The following TRMT9B variants were observed in gnomAD, a reference collection of about 807,000 sequenced individuals.
TRMT9B encodes probable tRNA methyltransferase 9B.
A neutral mutation model predicts 11.5 loss-of-function variants in TRMT9B; 16 were observed. That is an observed-to-expected ratio of 1.39 (90% CI 0.94 to 2.11). The LOEUF is 2.11. Among genes scored for constraint, TRMT9B ranks in the 30% most tolerant of loss-of-function variants. The pLI is 0.00. For synonymous variants in TRMT9B, 274 were observed against 192.4 expected (o/e 1.42, Z -3.51); for missense variants, 941 against 553.8 (o/e 1.70, Z -7.02).
chr8:12,984,249 T>C (rs79039032), intron 1 of TRMT9B, among the ~76,000 whole-genome samples: 3,846 of 152,312 alleles, frequency 0.025, 168 homozygotes, highest in African/African-American at 0.088. Context: ...ATTCTGTCTA[T>C]GCAAATCTTC....
At chr8:12,960,213 G>T (rs979859094) in intron 1 of TRMT9B, 5 of 152,202 alleles carry the variant, frequency 3.3e-5, no homozygotes, top group African/African-American at 1.2e-4. Context: ...GCACTCTAAG[G>T]AGTCAACAGA....
chr8:12,966,426 AG>A (rs2128865954), intron 1 of TRMT9B, among the ~76,000 whole-genome samples: 1 of 152,302 alleles, frequency 6.6e-6, no homozygotes, highest in South Asian at 2.1e-4. Context: ...TTATCAATAA[AG>A]ATGTGTTGTT....
At position 13,023,860 on chromosome 8, in the gene TRMT9B, G is replaced by A. The variant is rs1037876554; in HGVS notation, c.*1816G>A. The A allele has an allele frequency of 5.4e-5, 9 of 166,814 alleles. No individual in the cohort carries two copies. The highest frequency in any genetic ancestry group is 1.0e-4 in the Non-Finnish European group (7 of 68,098). 10.3% of individuals were successfully genotyped at this position (166,814 alleles called of 1,614,324 possible). On this transcript the variant is annotated 3_prime_UTR_variant, in exon 5 of 5. Coordinates refer to ENST00000524591, the MANE Select transcript of TRMT9B (RefSeq NM_020844.3). Reference sequence around the variant, plus strand: ...TAAAGCGTATCTGAAAACGATTGATGTTTATAACTCTCTTTTGGCTTCAAA... The same window carrying A: ...TAAAGCGTATCTGAAAACGATTGATATTTATAACTCTCTTTTGGCTTCAAA...
intron 3 of TRMT9B, chr8:13,010,847 TC>T (rs1811453960): frequency 2.0e-6 from 2 of 981,378 alleles, no homozygotes; most frequent in Middle Eastern, 5.2e-4. Context: ...AATTATATTT[TC>T]CCCATGATTG....
chr8:13,012,055 G>C (rs912110050), intron 3 of TRMT9B: 2 of 985,182 alleles, frequency 2.0e-6, no homozygotes, highest in Admixed American at 6.2e-5. Context: ...GTGGTCTCTC[G>C]GATACTAGAA....
chr8:13,006,292 A>C lies in TRMT9B; in HGVS notation c.90A>C (p.Lys30Asn), dbSNP rs1810445803. ...CTTACTTCAGCGACCTGCAGAGCAA[A>C]GCCTGGCCTCGTGTCCGCCAGTTCC... ...TAPYFSDLQS[K>N]AWPRVRQFLQ... The change falls in exon 3 of 5, where the codon AAA (lysine) becomes AAC (asparagine). Residue 30 changes from lysine (K) to asparagine (N), a missense_variant. Physicochemically the swap from Lys to Asn is moderately conservative, Grantham distance 94. Transcript: ENST00000524591. The C allele has an allele frequency of 4.3e-6, 7 of 1,613,844 alleles. No individual in the cohort carries two copies. The highest frequency in any genetic ancestry group is 5.9e-6 in the Non-Finnish European group (7 of 1,179,900).
rs940841813 is a variant in TRMT9B at position 13,016,223 on chromosome 8, G to T, written c.328+3366G>T. Among the ~76,000 whole-genome samples the T allele has an allele frequency of 6.1e-5, 7 of 115,298 alleles. 1 individual carries two copies. The highest frequency in any genetic ancestry group is 1.0e-4 in the Admixed American group (1 of 9,794). 75.6% of individuals were successfully genotyped at this position (115,298 alleles called of 152,430 possible). A position where few individuals can be genotyped will look rare whatever the true frequency, so the allele number is the denominator to read the frequency against. ...ATATTTATATATATAAAATATAAAT[G>T]TGAAATATATATTATATATAAAATA... is the stretch of plus-strand genomic sequence containing the variant. On this transcript the variant is annotated intron_variant, in intron 4 of 4. Coordinates refer to ENST00000524591, the MANE Select transcript of TRMT9B (RefSeq NM_020844.3).
rs553151683 is a variant in TRMT9B, at chr8:12,990,067, G to C, written c.-199-767G>C. 4.4e-4 allele frequency among the ~76,000 whole-genome samples: 67 copies of C among 152,260 alleles called. 1 individual carries two copies. The highest frequency in any genetic ancestry group is 1.6e-3 in the African/African-American group (65 of 41,546). On this transcript the variant is annotated intron_variant, in intron 1 of 4. Transcript: ENST00000524591. Reference sequence around the variant, plus strand: ...GCATCTCTGAGTAGAAAACCCACACGCACCCTGCCATCGTGAGAATCACTG... The same window carrying C: ...GCATCTCTGAGTAGAAAACCCACACCCACCCTGCCATCGTGAGAATCACTG...
At chr8:12,985,526 C>T (rs1806149993) in intron 1 of TRMT9B, among the ~76,000 whole-genome samples, 1 of 152,144 alleles carries the variant, frequency 6.6e-6, no homozygotes, top group African/African-American at 2.4e-5. Flanking sequence ...CATATGCTTA[C>T]CCCAGGCTGT....
intron 2 of TRMT9B, among the ~76,000 whole-genome samples, chr8:13,002,732 T>C (rs867137007): frequency 1.3e-5 from 2 of 152,208 alleles, no homozygotes; most frequent in Non-Finnish European, 2.9e-5. Flanking sequence ...TGGTAGATGC[T>C]AAAACTGGTG....
chr8:13,018,614 T>A (rs1301741767), intron 4 of TRMT9B, among the ~76,000 whole-genome samples: 1 of 152,162 alleles, frequency 6.6e-6, no homozygotes, highest in Non-Finnish European at 1.5e-5. Flanking sequence ...ATTAATAAAT[T>A]CAGTGGAATA....
In TRMT9B at chr8:13,015,440, C is replaced by T. The variant is rs576216440; in HGVS notation, c.328+2583C>T. On this transcript the variant is annotated intron_variant, in intron 4 of 4. Coordinates refer to ENST00000524591, the MANE Select transcript of TRMT9B (RefSeq NM_020844.3). ...GTTGGAGTGCAATGGCAGCCTCTAC[C>T]TCCTGGTCTCAGGTTATCCTCCTGC... Among the ~76,000 whole-genome samples the T allele has an allele frequency of 1.7e-4, 26 of 152,232 alleles. No homozygotes were observed. In the South Asian group the frequency reaches 5.2e-3, roughly 30 times the overall value.
At chr8:13,019,917 G>T (rs1394913248) in intron 4 of TRMT9B, among the ~76,000 whole-genome samples, 1 of 152,114 alleles carries the variant, frequency 6.6e-6, no homozygotes, top group Non-Finnish European at 1.5e-5. Flanking sequence ...ATTACTGCAT[G>T]GTAGAGATAC....
intron 4 of TRMT9B, among the ~76,000 whole-genome samples, chr8:13,013,667 A>T (rs563022307): frequency 1.3e-5 from 2 of 152,290 alleles, no homozygotes; most frequent in South Asian, 4.1e-4. Flanking sequence ...AAATCAACCT[A>T]TTTGGCCGGG....
chr8:12,970,453 T>G (rs1220094889), intron 1 of TRMT9B, among the ~76,000 whole-genome samples: 3 of 152,222 alleles, frequency 2.0e-5, no homozygotes, highest in Admixed American at 2.0e-4. Context: ...ATGATTCCAA[T>G]CCAATTTCAT....
At chr8:12,948,271 G>A (rs1800363702) in intron 1 of TRMT9B, among the ~76,000 whole-genome samples, 1 of 151,884 alleles carries the variant, frequency 6.6e-6, no homozygotes, top group East Asian at 1.9e-4. Context: ...GTAATTTATT[G>A]AATCCTGTAG....
chr8:12,992,180 A>C (rs2128879507), intron 2 of TRMT9B, among the ~76,000 whole-genome samples: 1 of 152,328 alleles, frequency 6.6e-6, no homozygotes, highest in East Asian at 1.9e-4. Flanking sequence ...TGTGTTCTGC[A>C]CTATCCTAGG....
chr8:12,999,529 A>C (rs1420300051), intron 2 of TRMT9B, among the ~76,000 whole-genome samples: 1 of 152,164 alleles, frequency 6.6e-6, no homozygotes, highest in African/African-American at 2.4e-5. Context: ...TAAAACTGTT[A>C]AAATATGATT....
At chr8:12,947,439 G>T (rs370491462) in intron 1 of TRMT9B, among the ~76,000 whole-genome samples, 1 of 152,156 alleles carries the variant, frequency 6.6e-6, no homozygotes, top group Non-Finnish European at 1.5e-5. Flanking sequence ...AATTTTTTTG[G>T]TAAGTCTCCA....
Sources: allele counts gnomAD v4.1 joint callset (sites outside exome capture counted in the v4.1 genomes callset), GRCh38; gene constraint gnomAD v4.1.1; transcripts MANE v1.5; gene names NCBI Gene and HGNC (gene_info 2026-07-23, HGNC 2026-07-21).